ADAMTS3: variants seen among roughly 807,000 people sequenced by gnomAD.
ADAMTS3 encodes the protein A disintegrin and metalloproteinase with thrombospondin motifs 3.
Under a neutral mutation model 129.0 loss-of-function variants are expected in ADAMTS3, and 73 were observed. The observed-to-expected ratio is 0.57, with a 90% CI of 0.47 to 0.69. The LOEUF (loss-of-function observed/expected upper bound fraction) is 0.69. ADAMTS3 is among the 30% of genes least tolerant of loss of function. ADAMTS3 has a pLI of 0.00. For missense variants in ADAMTS3, 1,457 were observed against 1,514.5 expected, an observed-to-expected ratio of 0.96 and a Z score of 0.63; for synonymous variants, 477 against 510.8, an observed-to-expected ratio of 0.93 and a Z score of 0.89.
At chr4:72,459,515 C>A (rs528865503) in intron 3 of ADAMTS3, among the ~76,000 whole-genome samples, 1 of 151,468 alleles carries the variant, frequency 6.6e-6, no homozygotes, top group African/African-American at 2.4e-5. Flanking sequence ...AGTTTTTCTA[C>A]CTCTGGGCTA....
intron 18 of ADAMTS3, among the ~76,000 whole-genome samples, chr4:72,297,095 T>G (rs1006736482): frequency 2.0e-5 from 3 of 152,104 alleles, no homozygotes; most frequent in African/African-American, 7.2e-5. Context: ...TGGGAAATAA[T>G]ATAATTTTAC....
At chr4:72,471,120 T>C (rs1719061726) in intron 3 of ADAMTS3, among the ~76,000 whole-genome samples, 1 of 152,134 alleles carries the variant, frequency 6.6e-6, no homozygotes, top group Non-Finnish European at 1.5e-5. Context: ...AAACATCTTC[T>C]TGAAAAATAA....
chr4:72,529,096 C>T (rs1333893360), intron 3 of ADAMTS3, among the ~76,000 whole-genome samples: 1 of 151,880 alleles, frequency 6.6e-6, no homozygotes, highest in Non-Finnish European at 1.5e-5. Context: ...GAATATGAAC[C>T]CCTATTTATT....
chr4:72,351,029 C>T (rs1720421572), intron 4 of ADAMTS3, among the ~76,000 whole-genome samples: 1 of 151,906 alleles, frequency 6.6e-6, no homozygotes, highest in South Asian at 2.1e-4. Flanking sequence ...ACCTGGGTTC[C>T]CCTTCCCTGG....
chr4:72,369,827 A>G (rs567806671), intron 4 of ADAMTS3, among the ~76,000 whole-genome samples: 1 of 152,242 alleles, frequency 6.6e-6, no homozygotes, highest in Admixed American at 6.5e-5. Context: ...AAAACAAGAA[A>G]TTGTATAGCG....
chr4:72,529,413 G>T (rs748995857), intron 3 of ADAMTS3, among the ~76,000 whole-genome samples: 1 of 151,616 alleles, frequency 6.6e-6, no homozygotes, highest in South Asian at 2.1e-4. Flanking sequence ...AGGCTTCCAG[G>T]GGATTCTGAT....
In ADAMTS3 at chr4:72,300,785, C is replaced by T. The variant is rs142183568; in HGVS notation, c.2425-2343G>A. Among the ~76,000 whole-genome samples the T allele has an allele frequency of 4.0e-3, 614 of 152,244 alleles. 7 individuals carry two copies. The highest frequency in any genetic ancestry group is 0.014 in the African/African-American group (586 of 41,554). ...GTGCCATATTGTGAGGATGTATAAG[C>T]ATCCTATGGAGAGGCTTAAGTGGTA... is the stretch of plus-strand genomic sequence containing the variant. On this transcript the variant is annotated intron_variant, in intron 17 of 21. Transcript: ENST00000286657.
intron 5 of ADAMTS3, chr4:72,330,367 G>C (rs920125986): frequency 1.3e-5 from 2 of 152,106 alleles, no homozygotes; most frequent in African/African-American, 4.8e-5. Flanking sequence ...TCTCATGTGT[G>C]AGGGCCATCT....
At chr4:72,371,992 A>G (rs1204295947) in intron 4 of ADAMTS3, among the ~76,000 whole-genome samples, 1 of 152,138 alleles carries the variant, frequency 6.6e-6, no homozygotes, top group Non-Finnish European at 1.5e-5. Flanking sequence ...GAAAATCTTC[A>G]TATGTGAAAG....
intron 4 of ADAMTS3, among the ~76,000 whole-genome samples, chr4:72,401,566 C>CA (rs374322807): frequency 0.34 from 12,785 of 37,144 alleles, 3,139 homozygotes; most frequent in South Asian, 0.64. Flanking sequence ...TACTCTGTCT[C>CA]AAAAAAAAAA....
rs147650925 is a variant in ADAMTS3, at chr4:72,484,100, C to G, written c.504+64378G>C. ...ATTTATTCTCAAACAGCCCTGGCTC[C>G]CTCCCTCAATCCCATCTAATTTACC... On this transcript the variant is annotated intron_variant, in intron 3 of 21. Transcript: ENST00000286657. Among the ~76,000 whole-genome samples the G allele has an allele frequency of 4.2e-3, 633 of 152,156 alleles. 8 individuals are homozygous for G. Among genetic ancestry groups the G allele is most frequent in the African/African-American group, 0.014 (601 of 41,496 alleles).
chr4:72,557,364 A>G (rs1415262002), intron 2 of ADAMTS3, among the ~76,000 whole-genome samples: 4 of 151,806 alleles, frequency 2.6e-5, no homozygotes, highest in Non-Finnish European at 5.9e-5. Context: ...GGAATGGTAC[A>G]CATCTTCCCT....
intron 3 of ADAMTS3, among the ~76,000 whole-genome samples, chr4:72,500,825 G>A (rs1178126521): frequency 6.6e-6 from 1 of 152,002 alleles, no homozygotes; most frequent in Non-Finnish European, 1.5e-5. Flanking sequence ...CCGTTCTTCT[G>A]CAAATGGCTA....
chr4:72,555,149 C>A (rs1441897078), intron 2 of ADAMTS3, among the ~76,000 whole-genome samples: 1 of 151,730 alleles, frequency 6.6e-6, no homozygotes, highest in Admixed American at 6.5e-5. Context: ...TGCTTAAAGA[C>A]CATCTACTAA....
intron 3 of ADAMTS3, among the ~76,000 whole-genome samples, chr4:72,420,003 A>C (rs1722403604): frequency 6.6e-6 from 1 of 152,214 alleles, no homozygotes; most frequent in Non-Finnish European, 1.5e-5. Context: ...TCCAGATAGC[A>C]AAAGTGGCAA....
In ADAMTS3 at chr4:72,282,053, C is replaced by T. The variant is rs1718358981; in HGVS notation, c.*1083G>A. ...TGCTTTCTTGAACCTGCCTTCAAAG[C>T]CCCAAAGCTCTACTATACTCAAATA... is the stretch of plus-strand genomic sequence containing the variant. On this transcript the variant is annotated 3_prime_UTR_variant, in exon 22 of 22. Coordinates refer to ENST00000286657, the MANE Select transcript of ADAMTS3 (RefSeq NM_014243.3). 6.6e-6 allele frequency: 1 copy of T among 152,132 alleles called. No homozygotes were observed. The highest frequency in any genetic ancestry group is 1.5e-5 in the Non-Finnish European group (1 of 68,014). 9.4% of individuals were successfully genotyped at this position (152,132 alleles called of 1,614,324 possible).
intron 4 of ADAMTS3, among the ~76,000 whole-genome samples, chr4:72,400,893 A>G (rs1203850935): frequency 2.7e-5 from 4 of 150,036 alleles, no homozygotes; most frequent in Admixed American, 2.6e-4. Flanking sequence ...GGATATATAT[A>G]TTGGACATAC....
intron 5 of ADAMTS3, among the ~76,000 whole-genome samples, chr4:72,337,492 TA>T (rs1485468165): frequency 2.6e-5 from 4 of 152,144 alleles, no homozygotes; most frequent in Non-Finnish European, 5.9e-5. Flanking sequence ...AGGAAATCTC[TA>T]AAAGCAGTTT....
intron 3 of ADAMTS3, among the ~76,000 whole-genome samples, chr4:72,482,974 C>A (rs1351519275): frequency 6.6e-6 from 1 of 152,130 alleles, no homozygotes; most frequent in East Asian, 1.9e-4. Context: ...GAATAACTAT[C>A]AGCAAACTAA....
Sources: allele counts gnomAD v4.1 joint callset (sites outside exome capture counted in the v4.1 genomes callset), GRCh38; gene constraint gnomAD v4.1.1; transcripts MANE v1.5; gene names NCBI Gene and HGNC (gene_info 2026-07-23, HGNC 2026-07-21).